WWTR1: variants seen among roughly 807,000 people sequenced by gnomAD.
The protein encoded by WWTR1 is WW domain containing transcription regulator 1.
WWTR1 carries 13 observed loss-of-function variants against 40.1 expected under a neutral mutation model. The observed-to-expected ratio is 0.32, with a 90% confidence interval of 0.21 to 0.52. The LOEUF (loss-of-function observed/expected upper bound fraction) is 0.52, where lower values mean the gene tolerates loss of function less well. Ranked by LOEUF, WWTR1 falls within the 20% of genes least tolerant of loss-of-function variation. The probability of loss-of-function intolerance (pLI) is 0.97; values close to 1 mark genes in which losing one functional copy is unlikely to be tolerated. For missense variants in WWTR1, 436 were observed against 523.1 expected (o/e 0.83, Z 1.63); for synonymous variants, 230 against 210.1 (o/e 1.09, Z -0.82).
intron 2 of WWTR1, among the ~76,000 whole-genome samples, chr3:149,616,553 C>A (rs1739983142): frequency 6.6e-6 from 1 of 152,042 alleles, no homozygotes; most frequent in Non-Finnish European, 1.5e-5. Flanking sequence ...AGCAATTCTC[C>A]TGCCTCAGCC....
intron 2 of WWTR1, among the ~76,000 whole-genome samples, chr3:149,642,755 A>T (rs1364292900): frequency 6.6e-6 from 1 of 151,562 alleles, no homozygotes; most frequent in Non-Finnish European, 1.5e-5. Context: ...AGCCTGGGCG[A>T]CAGAGTGAGA....
chr3:149,567,284 A>G (rs1382111833), intron 3 of WWTR1, among the ~76,000 whole-genome samples: 1 of 152,180 alleles, frequency 6.6e-6, no homozygotes, highest in Non-Finnish European at 1.5e-5. Flanking sequence ...GCATGTTTTC[A>G]GTATTTGTCT....
chr3:149,664,830 C>T (rs1350630413), intron 2 of WWTR1, among the ~76,000 whole-genome samples: 1 of 152,034 alleles, frequency 6.6e-6, no homozygotes, highest in Non-Finnish European at 1.5e-5. Flanking sequence ...CAGGTGTGAT[C>T]CACCCACCTT....
At chr3:149,542,783 T>C (rs892317505) in intron 3 of WWTR1, among the ~76,000 whole-genome samples, 8 of 152,168 alleles carry the variant, frequency 5.3e-5, no homozygotes, top group Admixed American at 4.6e-4. Context: ...ATTTCACACC[T>C]CCCTGTCTAG....
chr3:149,711,406 C>T (rs1358123343), intron 5 of WWTR1, among the ~76,000 whole-genome samples: 1 of 152,078 alleles, frequency 6.6e-6, no homozygotes. Flanking sequence ...AATAATTCTA[C>T]TATTATTATT....
At chr3:149,716,637 A>G (rs1715612079) in intron 5 of WWTR1, among the ~76,000 whole-genome samples, 1 of 152,122 alleles carries the variant, frequency 6.6e-6, no homozygotes. Context: ...TTACTTATTG[A>G]TTGTTGAGAC....
At chr3:149,580,295 T>A (rs1244691357) in intron 2 of WWTR1, among the ~76,000 whole-genome samples, 1 of 152,096 alleles carries the variant, frequency 6.6e-6, no homozygotes, top group Non-Finnish European at 1.5e-5. Context: ...CAGAGATGAG[T>A]CTTAACCACA....
At chr3:149,554,817 G>C (rs1297619161) in intron 3 of WWTR1, among the ~76,000 whole-genome samples, 8 of 152,222 alleles carry the variant, frequency 5.3e-5, no homozygotes, top group African/African-American at 1.9e-4. Flanking sequence ...GTGGCAGGAA[G>C]CACCTCTATG....
Position 149,671,952 on chromosome 3 carries a change from T to C in WWTR1, c.-107-2061A>G, listed in dbSNP as rs183211411. On this transcript the variant is annotated intron_variant, in intron 1 of 7. Coordinates refer to the WWTR1 transcript ENST00000465804. Reference sequence around the variant, plus strand: ...AGCCTATTTCTTTCTCACAGAATAGTCCTGGGTGAGGTCCCCAGGTAAGCA... The same window carrying C: ...AGCCTATTTCTTTCTCACAGAATAGCCCTGGGTGAGGTCCCCAGGTAAGCA... Among the ~76,000 whole-genome samples, 258 of 152,320 alleles carry C rather than the reference T, an allele frequency of 1.7e-3. 1 individual carries two copies. Among genetic ancestry groups the C allele is most frequent in the African/African-American group, 6.0e-3 (250 of 41,564 alleles).
intron 1 of WWTR1, among the ~76,000 whole-genome samples, chr3:149,674,596 A>G (rs1327447360): frequency 6.6e-6 from 1 of 152,012 alleles, no homozygotes; most frequent in East Asian, 1.9e-4. Flanking sequence ...AAAAAAAAAA[A>G]AGAATTTGTA....
At chr3:149,721,341 C>G (rs975108522) in intron 4 of WWTR1, among the ~76,000 whole-genome samples, 15 of 152,186 alleles carry the variant, frequency 9.9e-5, no homozygotes, top group African/African-American at 3.6e-4. Flanking sequence ...AATGCTTTTT[C>G]TGCACCACTT....
intron 1 of WWTR1, among the ~76,000 whole-genome samples, chr3:149,692,554 G>A (rs1447657132): frequency 6.6e-6 from 1 of 152,134 alleles, no homozygotes; most frequent in East Asian, 1.9e-4. Context: ...CACACTTAAT[G>A]GGAAAAAACT....
At chr3:149,631,652 C>A (rs1484736247) in intron 2 of WWTR1, among the ~76,000 whole-genome samples, 1 of 152,152 alleles carries the variant, frequency 6.6e-6, no homozygotes, top group Non-Finnish European at 1.5e-5. Flanking sequence ...ATTACACTCC[C>A]GCTGTATCTT....
At chr3:149,676,752 G>C (rs1714273384) in intron 1 of WWTR1, among the ~76,000 whole-genome samples, 1 of 152,060 alleles carries the variant, frequency 6.6e-6, no homozygotes, top group South Asian at 2.1e-4. Context: ...CTTTTTAAGG[G>C]AGACAATAAA....
chr3:149,590,560 C>T (rs552761262), intron 2 of WWTR1, among the ~76,000 whole-genome samples: 11 of 152,226 alleles, frequency 7.2e-5, no homozygotes, highest in African/African-American at 1.9e-4. Flanking sequence ...GCAGGAGAAT[C>T]GCTTGAACCC....
At chr3:149,580,102 T>C (rs1406550459) in intron 2 of WWTR1, among the ~76,000 whole-genome samples, 1 of 152,248 alleles carries the variant, frequency 6.6e-6, no homozygotes, top group Non-Finnish European at 1.5e-5. Context: ...AAAGGTGGTT[T>C]ACTTTCTCGT....
chr3:149,591,166 A>G (rs1325075024), intron 2 of WWTR1, among the ~76,000 whole-genome samples: 1 of 152,202 alleles, frequency 6.6e-6, no homozygotes, highest in Non-Finnish European at 1.5e-5. Context: ...ACAAAGCGGA[A>G]CGCCAACTCT....
chr3:149,529,812 A>T (rs1482207352), intron 4 of WWTR1, among the ~76,000 whole-genome samples: 3 of 152,184 alleles, frequency 2.0e-5, no homozygotes, highest in Non-Finnish European at 2.9e-5. Context: ...CCTGAGCCAC[A>T]GTTTGAAAAA....
chr3:149,541,971 C>A (rs1387418209), intron 4 of WWTR1, among the ~76,000 whole-genome samples: 1 of 152,116 alleles, frequency 6.6e-6, no homozygotes, highest in Non-Finnish European at 1.5e-5. Flanking sequence ...AAATTCTGAC[C>A]CACAAAATTG....
Sources: allele counts gnomAD v4.1 joint callset (sites outside exome capture counted in the v4.1 genomes callset), GRCh38; gene constraint gnomAD v4.1.1; transcripts MANE v1.5; gene names NCBI Gene and HGNC (gene_info 2026-07-23, HGNC 2026-07-21).